The following KIAA0825 variants were observed in gnomAD, a reference collection of about 807,000 sequenced individuals.
The protein encoded by KIAA0825 is KIAA0825, also known as uncharacterized protein KIAA0825.
In KIAA0825, 119 loss-of-function variants were observed where a neutral mutation model predicts 147.6. The ratio of observed to expected loss-of-function variants is 0.81; its 90% CI spans 0.69 to 0.94. The LOEUF (loss-of-function observed/expected upper bound fraction) is 0.94, where lower values mean the gene tolerates loss of function less well. Ranked by LOEUF, KIAA0825 falls within the 40% of genes least tolerant of loss-of-function variation. The pLI is 0.00. For synonymous variants in KIAA0825, 470 were observed against 518.1 expected (o/e 0.91, Z 1.26); for missense variants, 1,381 against 1,472.7 (o/e 0.94, Z 1.02).
In KIAA0825 at chr5:94,284,353, C is replaced by G. The variant is rs1192335820; in HGVS notation, c.3710+100015G>C. ...CCACAGATATCCTTGCCTATATCAC[C>G]CCATTTTGAATTGGTCCAGATAATA... On this transcript the variant is annotated intron_variant, in intron 20 of 20. Coordinates refer to ENST00000682413, the MANE Select transcript of KIAA0825 (RefSeq NM_001145678.3). 2.0e-5 allele frequency among the ~76,000 whole-genome samples: 3 copies of G among 152,012 alleles called. No individual in the cohort carries two copies. In the East Asian group the frequency reaches 5.8e-4, roughly 29 times the overall value.
intron 2 of KIAA0825, among the ~76,000 whole-genome samples, chr5:94,556,899 T>C (rs78583116): frequency 0.038 from 5,734 of 152,240 alleles, 145 homozygotes; most frequent in South Asian, 0.068. Context: ...TGACAAAATA[T>C]TTTTCAGTTC....
intron 19 of KIAA0825, 102 bp from the exon 20 acceptor site, chr5:94,384,560 G>T: frequency 1.1e-6 from 1 of 885,028 alleles, no homozygotes. Context: ...CTAAGAAGGA[G>T]GGGGGTCCAG....
At chr5:94,429,072 T>C (rs1449752232) in intron 14 of KIAA0825, among the ~76,000 whole-genome samples, 4 of 152,144 alleles carry the variant, frequency 2.6e-5, no homozygotes, top group African/African-American at 9.7e-5. Flanking sequence ...AAAGATATTT[T>C]GTTCTTTCTT....
chr5:94,437,310 T>C (rs1756504571), intron 14 of KIAA0825, among the ~76,000 whole-genome samples: 2 of 152,204 alleles, frequency 1.3e-5, no homozygotes, highest in African/African-American at 4.8e-5. Context: ...AGAATTCTAT[T>C]GGAGATTAAG....
At chr5:94,263,848 C>T (rs1362227504) in intron 20 of KIAA0825, among the ~76,000 whole-genome samples, 1 of 152,142 alleles carries the variant, frequency 6.6e-6, no homozygotes, top group Non-Finnish European at 1.5e-5. Context: ...CCGGACCATC[C>T]TCAGATCTGC....
chr5:94,574,565 A>T (rs1013448395), intron 2 of KIAA0825, among the ~76,000 whole-genome samples: 2 of 133,514 alleles, frequency 1.5e-5, no homozygotes, highest in East Asian at 2.2e-4. Context: ...AAAAAAAAAA[A>T]GAAAAAAAAA....
intron 5 of KIAA0825, among the ~76,000 whole-genome samples, chr5:94,498,070 T>C (rs1243779600): frequency 6.6e-6 from 1 of 152,204 alleles, no homozygotes; most frequent in East Asian, 1.9e-4. Flanking sequence ...ATCTTACACA[T>C]AACTGGACAA....
chr5:94,269,879 TAAAC>T (rs1241909108), intron 20 of KIAA0825, among the ~76,000 whole-genome samples: 1 of 151,786 alleles, frequency 6.6e-6, no homozygotes, highest in Non-Finnish European at 1.5e-5. Context: ...TTAAAAAAGT[TAAAC>T]AAAATACACA....
intron 20 of KIAA0825, among the ~76,000 whole-genome samples, chr5:94,346,478 G>A (rs969970032): frequency 9.2e-5 from 14 of 152,094 alleles, no homozygotes; most frequent in Non-Finnish European, 1.9e-4. Flanking sequence ...GGACCCAGGA[G>A]ACATCCCCAA....
rs556997207 is a variant in KIAA0825, at chr5:94,319,870, C to T, written c.3710+64498G>A. On this transcript the variant is annotated intron_variant, in intron 20 of 20. Coordinates refer to ENST00000682413, the MANE Select transcript of KIAA0825 (RefSeq NM_001145678.3). Reference sequence around the variant, plus strand: ...CCAAAGACTTGCTATCATACAAAATCAGCCTACCATTCAATCTAGTCTCTG... The same window carrying T: ...CCAAAGACTTGCTATCATACAAAATTAGCCTACCATTCAATCTAGTCTCTG... Among the ~76,000 whole-genome samples, 61 of 152,016 alleles carry T rather than the reference C, an allele frequency of 4.0e-4. No individual in the cohort carries two copies. The South Asian group carries it at 0.013, about 31-fold the overall frequency.
intron 20 of KIAA0825, among the ~76,000 whole-genome samples, chr5:94,192,284 A>T (rs1043134071): frequency 6.6e-6 from 1 of 152,216 alleles, no homozygotes; most frequent in Non-Finnish European, 1.5e-5. Flanking sequence ...GGTCACTTGT[A>T]TAATATTCTT....
intron 20 of KIAA0825, among the ~76,000 whole-genome samples, chr5:94,271,742 G>T (rs2150143539): frequency 6.6e-6 from 1 of 152,110 alleles, no homozygotes; most frequent in South Asian, 2.1e-4. Context: ...GTGAGGTTCT[G>T]CCTCAAAAAC....
At chr5:94,167,650 G>T (rs1241239603) in intron 20 of KIAA0825, among the ~76,000 whole-genome samples, 1 of 152,044 alleles carries the variant, frequency 6.6e-6, no homozygotes, top group Admixed American at 6.5e-5. Context: ...CCTTAAGTAG[G>T]TAAAAGGAAA....
rs534673723 is a variant in KIAA0825, at chr5:94,491,996, T to C, written c.971-7066A>G. Among the ~76,000 whole-genome samples the C allele has an allele frequency of 7.9e-5, 12 of 152,320 alleles. No homozygotes were observed. In the South Asian group the frequency reaches 2.5e-3, roughly 32 times the overall value. On this transcript the variant is annotated intron_variant, in intron 5 of 20. Coordinates refer to ENST00000682413, the MANE Select transcript of KIAA0825 (RefSeq NM_001145678.3). ...AACCCTCTTCTGAATGGTGAGAGAA[T>C]GGAGAAGGAACTATTAAGGAAACTG...
intron 17 of KIAA0825, among the ~76,000 whole-genome samples, chr5:94,393,071 C>T (rs1485071366): frequency 1.3e-5 from 2 of 151,976 alleles, no homozygotes; most frequent in African/African-American, 4.8e-5. Context: ...TCAGTGTCAG[C>T]TCCTGAATTG....
At chr5:94,455,975 G>A (rs1384365389) in intron 12 of KIAA0825, among the ~76,000 whole-genome samples, 1 of 152,092 alleles carries the variant, frequency 6.6e-6, no homozygotes, top group Non-Finnish European at 1.5e-5. Flanking sequence ...GTGAGGGTAT[G>A]AGGAGGACCA....
intron 20 of KIAA0825, among the ~76,000 whole-genome samples, chr5:94,168,772 T>G (rs1170629573): frequency 6.6e-6 from 1 of 152,216 alleles, no homozygotes; most frequent in Non-Finnish European, 1.5e-5. Flanking sequence ...ACCATATTGC[T>G]GATTTTCTTC....
rs1584369112 is a variant in KIAA0825 at position 94,396,323 on chromosome 5, A to G, written c.3074T>C (p.Ile1025Thr). The change falls in exon 17 of 21, where the codon ATA becomes ACA. Residue 1025 changes from isoleucine (I) to threonine (T), a missense_variant. Ile to Thr is a moderately conservative substitution (Grantham distance 89). Coordinates refer to ENST00000682413, the MANE Select transcript of KIAA0825 (RefSeq NM_001145678.3). The part of the protein sequence containing the change: ...VWNLIVIICR[I>T]FEDGNTVELL... ...TTCCACAGTGTTTCCGTCCTCAAAT[A>G]TCCGACATATAATTACAATCAAGTT... 5.8e-6 allele frequency: 9 copies of G among 1,550,630 alleles called. No homozygotes were observed. In the East Asian group the frequency reaches 2.0e-4, roughly 34 times the overall value.
intron 20 of KIAA0825, among the ~76,000 whole-genome samples, chr5:94,308,689 A>C (rs539618868): frequency 6.6e-6 from 1 of 151,918 alleles, no homozygotes; most frequent in East Asian, 1.9e-4. Context: ...TTCATTCATT[A>C]AAGAAATATA....
Sources: allele counts gnomAD v4.1 joint callset (sites outside exome capture counted in the v4.1 genomes callset), GRCh38; gene constraint gnomAD v4.1.1; transcripts MANE v1.5; gene names NCBI Gene and HGNC (gene_info 2026-07-23, HGNC 2026-07-21).